Variants in EXOC4 observed in about 807,000 individuals in gnomAD.
EXOC4 encodes the protein SEC8-like 1.
Under a neutral mutation model 107.2 loss-of-function variants are expected in EXOC4, and 71 were observed. That is an observed-to-expected ratio of 0.66 (90% CI 0.55 to 0.81). The LOEUF (loss-of-function observed/expected upper bound fraction) is 0.81, where lower values mean the gene tolerates loss of function less well. EXOC4 is among the 30% of genes least tolerant of loss of function. The pLI is 0.00. For missense variants in EXOC4, 1,108 were observed against 1,189.6 expected, an observed-to-expected ratio of 0.93 and a Z score of 1.01; for synonymous variants, 456 against 441.2, an observed-to-expected ratio of 1.03 and a Z score of -0.42.
chr7:133,308,041 G>A (rs1416815279), intron 4 of EXOC4, among the ~76,000 whole-genome samples: 1 of 152,206 alleles, frequency 6.6e-6, no homozygotes, highest in Admixed American at 6.5e-5. Flanking sequence ...AAACCAAAAT[G>A]AAGTAGAGAA....
intron 10 of EXOC4, among the ~76,000 whole-genome samples, chr7:133,671,932 A>T (rs185726996): frequency 3.2e-4 from 48 of 152,336 alleles, no homozygotes; most frequent in African/African-American, 1.1e-3. Flanking sequence ...TAGATAGTCA[A>T]GTGTATGTGT....
intron 11 of EXOC4, among the ~76,000 whole-genome samples, chr7:133,823,230 G>A (rs988140887): frequency 9.2e-5 from 14 of 152,114 alleles, no homozygotes; most frequent in Admixed American, 3.3e-4. Context: ...GCTAGAATCC[G>A]CCTGCAAACA....
At chr7:133,927,924 G>A (rs554605639) in intron 13 of EXOC4, among the ~76,000 whole-genome samples, 146 of 152,172 alleles carry the variant, frequency 9.6e-4, no homozygotes, top group African/African-American at 3.4e-3. Context: ...GTTATTATAT[G>A]AAAATGATAC....
rs1393624795 is a variant in EXOC4, at chr7:133,703,470, G to A, written c.1514+73329G>A. Among the ~76,000 whole-genome samples the A allele has an allele frequency of 2.6e-5, 4 of 152,150 alleles. No homozygotes were observed. The East Asian group carries it at 7.7e-4, about 29-fold the overall frequency. On this transcript the variant is annotated intron_variant, in intron 10 of 17. Transcript: ENST00000253861. The stretch of plus-strand genomic sequence containing the variant: ...TCTGCTGGAGGATGAGCAGAACAGT[G>A]GTCAAGGAATAATAAAGTTGTGCAT...
chr7:133,602,799 T>C lies in EXOC4; in HGVS notation c.1418-27246T>C, dbSNP rs549593895. On this transcript the variant is annotated intron_variant, in intron 9 of 17. Coordinates refer to ENST00000253861, the MANE Select transcript of EXOC4 (RefSeq NM_021807.4). ...GACAGGTGTGTTCTGTGCCTTGGCA[T>C]GAGCAGCTCACTTGGGAAAGCCCGT... 1.3e-3 allele frequency among the ~76,000 whole-genome samples: 200 copies of C among 152,354 alleles called. 1 individual carries two copies. The South Asian group carries it at 0.015, about 11-fold the overall frequency.
intron 10 of EXOC4, among the ~76,000 whole-genome samples, chr7:133,725,928 ATAACT>A (rs1042434714): frequency 2.0e-5 from 3 of 152,204 alleles, no homozygotes; most frequent in Admixed American, 6.5e-5. Flanking sequence ...ATTCAAACAA[ATAACT>A]TAAAGGTGTT....
chr7:133,778,149 C>T (rs755407247), intron 10 of EXOC4, among the ~76,000 whole-genome samples: 3 of 152,172 alleles, frequency 2.0e-5, no homozygotes, highest in African/African-American at 2.4e-5. Flanking sequence ...CAAAGTATTA[C>T]GAGTTTTGAC....
intron 17 of EXOC4, among the ~76,000 whole-genome samples, chr7:134,047,886 A>T (rs890137752): frequency 6.6e-6 from 1 of 152,234 alleles, no homozygotes; most frequent in Non-Finnish European, 1.5e-5. Flanking sequence ...GCCTTGCGGT[A>T]AAGAAAGAGT....
chr7:133,512,267 A>G (rs896742850), intron 9 of EXOC4, among the ~76,000 whole-genome samples: 1 of 151,952 alleles, frequency 6.6e-6, no homozygotes, highest in Non-Finnish European at 1.5e-5. Context: ...CCGTCTCTAC[A>G]AAGAATACAA....
At chr7:133,764,415 A>G (rs530457052) in intron 10 of EXOC4, among the ~76,000 whole-genome samples, 1 of 152,062 alleles carries the variant, frequency 6.6e-6, no homozygotes, top group South Asian at 2.1e-4. Flanking sequence ...TGAATATTTT[A>G]TGATGGCGTC....
chr7:134,037,076 C>T (rs1472138598), intron 17 of EXOC4, among the ~76,000 whole-genome samples: 1 of 152,064 alleles, frequency 6.6e-6, no homozygotes, highest in Non-Finnish European at 1.5e-5. Flanking sequence ...ATAGTAGCTT[C>T]ATGTTATTGA....
At chr7:133,735,203 GAGGAAGA>G (rs1795414934) in intron 10 of EXOC4, among the ~76,000 whole-genome samples, 1 of 98,796 alleles carries the variant, frequency 1.0e-5, no homozygotes, top group Non-Finnish European at 1.8e-5. Flanking sequence ...CTGGGTGACA[GAGGAAGA>G]CTCTGTCTCA....
rs145867689 is a variant in EXOC4 at position 133,454,494 on chromosome 7, G to A, written c.1183-20834G>A. On this transcript the variant is annotated intron_variant, in intron 7 of 17. Coordinates refer to ENST00000253861, the MANE Select transcript of EXOC4 (RefSeq NM_021807.4). ...GTATTTTTAATAGAGATGGGGTTTC[G>A]CCATGTTGTCCATGCAGGTCTCATA... Among the ~76,000 whole-genome samples, 220 of 152,022 alleles carry A rather than the reference G, an allele frequency of 1.4e-3. 8 individuals carry two copies. In the East Asian group the frequency reaches 0.031, roughly 22 times the overall value.
intron 11 of EXOC4, among the ~76,000 whole-genome samples, chr7:133,882,717 G>C (rs1350167079): frequency 6.6e-6 from 1 of 152,118 alleles, no homozygotes; most frequent in Admixed American, 6.5e-5. Context: ...GAAGGTACAA[G>C]GTCCTGAAAT....
At chr7:133,313,969 T>C (rs376493770) in intron 4 of EXOC4, among the ~76,000 whole-genome samples, 2 of 152,220 alleles carry the variant, frequency 1.3e-5, no homozygotes, top group Non-Finnish European at 2.9e-5. Context: ...TCTGAATGGA[T>C]TTAAAATAAA....
At chr7:133,350,368 T>C (rs1795881363) in intron 5 of EXOC4, among the ~76,000 whole-genome samples, 1 of 152,100 alleles carries the variant, frequency 6.6e-6, no homozygotes, top group African/African-American at 2.4e-5. Flanking sequence ...TAGATAAGGA[T>C]CCAACTTCAT....
intron 10 of EXOC4, among the ~76,000 whole-genome samples, chr7:133,787,489 A>C (rs1020141646): frequency 2.0e-5 from 3 of 152,054 alleles, no homozygotes; most frequent in Non-Finnish European, 2.9e-5. Flanking sequence ...GTAGTGCTTT[A>C]TAGTTAAAGA....
intron 11 of EXOC4, among the ~76,000 whole-genome samples, chr7:133,873,769 T>C (rs1226841908): frequency 1.3e-5 from 2 of 152,206 alleles, no homozygotes; most frequent in Non-Finnish European, 2.9e-5. Context: ...GTGTTGGTTG[T>C]CTCCTTCCCA....
At chr7:133,679,991 A>T (rs1794153002) in intron 10 of EXOC4, among the ~76,000 whole-genome samples, 1 of 151,950 alleles carries the variant, frequency 6.6e-6, no homozygotes, top group South Asian at 2.1e-4. Context: ...CATGCTTTTA[A>T]TTTTTTTTAT....
Sources: allele counts gnomAD v4.1 joint callset (sites outside exome capture counted in the v4.1 genomes callset), GRCh38; gene constraint gnomAD v4.1.1; transcripts MANE v1.5; gene names NCBI Gene and HGNC (gene_info 2026-07-23, HGNC 2026-07-21).